PXDNL: variants seen among roughly 807,000 people sequenced by gnomAD.
PXDNL encodes peroxidasin like, also known as probable oxidoreductase PXDNL.
In PXDNL, 145 loss-of-function variants were observed where a neutral mutation model predicts 150.8. The observed-to-expected ratio is 0.96, with a 90% CI of 0.84 to 1.10. The LOEUF is 1.10. PXDNL is among the 50% of genes least tolerant of loss of function. PXDNL has a pLI of 0.00. For missense variants in PXDNL, 2,087 were observed against 1,873.9 expected, an observed-to-expected ratio of 1.11 and a Z score of -2.10; for synonymous variants, 757 against 725.7, an observed-to-expected ratio of 1.04 and a Z score of -0.69.
chr8:51,504,127 T>C (rs1811239471), intron 4 of PXDNL, among the ~76,000 whole-genome samples: 1 of 152,202 alleles, frequency 6.6e-6, no homozygotes, highest in Non-Finnish European at 1.5e-5. Flanking sequence ...ATCTCTTGAA[T>C]GTATTCCATT....
At chr8:51,347,070 G>A (rs547669500) in intron 19 of PXDNL, among the ~76,000 whole-genome samples, 7 of 152,176 alleles carry the variant, frequency 4.6e-5, no homozygotes, top group African/African-American at 1.7e-4. Flanking sequence ...TCTTAATATT[G>A]GTGGGAAAAT....
At chr8:51,504,602 A>G (rs1811248649) in intron 4 of PXDNL, among the ~76,000 whole-genome samples, 1 of 152,170 alleles carries the variant, frequency 6.6e-6, no homozygotes, top group South Asian at 2.1e-4. Context: ...TACTGTTGCA[A>G]TGTAATATTT....
chr8:51,724,499 A>G (rs1027264752), intron 1 of PXDNL, among the ~76,000 whole-genome samples: 5 of 152,306 alleles, frequency 3.3e-5, no homozygotes, highest in East Asian at 1.9e-4. Flanking sequence ...AGAAAAAAAA[A>G]GGAAAAATCA....
At chr8:51,770,131 A>T (rs954621289) in intron 1 of PXDNL, among the ~76,000 whole-genome samples, 8 of 152,206 alleles carry the variant, frequency 5.3e-5, no homozygotes, top group Non-Finnish European at 1.0e-4. Context: ...TCTATCCCAT[A>T]AATGTCCCTA....
At chr8:51,349,522 A>G (rs1342825358) in intron 19 of PXDNL, among the ~76,000 whole-genome samples, 2 of 152,208 alleles carry the variant, frequency 1.3e-5, no homozygotes, top group Non-Finnish European at 2.9e-5. Context: ...CTTACTCCTC[A>G]CATTCTCTGA....
intron 4 of PXDNL, among the ~76,000 whole-genome samples, chr8:51,538,005 C>T (rs1003632579): frequency 1.1e-4 from 16 of 152,190 alleles, no homozygotes; most frequent in African/African-American, 3.1e-4. Context: ...ACTATTTTCT[C>T]ATCAAATGTA....
chr8:51,654,516 T>A (rs1039965065), intron 2 of PXDNL, among the ~76,000 whole-genome samples, 173 bp downstream of exon 2: 8 of 144,666 alleles, frequency 5.5e-5, no homozygotes, highest in African/African-American at 1.7e-4. Flanking sequence ...TTCAAAAGGT[T>A]ATAAAAACAT....
intron 21 of PXDNL, among the ~76,000 whole-genome samples, chr8:51,334,491 CA>C (rs1472334063): frequency 6.6e-6 from 1 of 151,692 alleles, no homozygotes; most frequent in Non-Finnish European, 1.5e-5. Context: ...TAAACAAAAT[CA>C]AAACTAAAAA....
intron 5 of PXDNL, among the ~76,000 whole-genome samples, chr8:51,494,742 T>C (rs1811003366): frequency 6.6e-6 from 1 of 151,928 alleles, no homozygotes; most frequent in South Asian, 2.1e-4. Flanking sequence ...CTCCTAAATA[T>C]ATATGCACCC....
At chr8:51,681,072 G>C (rs1361010716) in intron 1 of PXDNL, among the ~76,000 whole-genome samples, 3 of 152,100 alleles carry the variant, frequency 2.0e-5, no homozygotes, top group Non-Finnish European at 4.4e-5. Flanking sequence ...GGGATCTTAA[G>C]ACTGTCGATT....
At chr8:51,579,043 G>A (rs1384800616) in intron 3 of PXDNL, among the ~76,000 whole-genome samples, 2 of 151,984 alleles carry the variant, frequency 1.3e-5, no homozygotes, top group East Asian at 3.9e-4. Flanking sequence ...TGGATGGATA[G>A]GCAGGAAAAG....
At chr8:51,445,273 T>A (rs1393421638) in intron 12 of PXDNL, among the ~76,000 whole-genome samples, 2 of 152,142 alleles carry the variant, frequency 1.3e-5, no homozygotes, top group African/African-American at 4.8e-5. Flanking sequence ...TTTCAATAGT[T>A]CTATAGTCTG....
chr8:51,537,127 T>C (rs1235281617), intron 4 of PXDNL, among the ~76,000 whole-genome samples: 1 of 152,030 alleles, frequency 6.6e-6, no homozygotes, highest in Non-Finnish European at 1.5e-5. Flanking sequence ...ACCTTTAAGG[T>C]AGAGATAATG....
At chr8:51,403,915 T>C (rs1174718712) in intron 17 of PXDNL, among the ~76,000 whole-genome samples, 1 of 152,210 alleles carries the variant, frequency 6.6e-6, no homozygotes, top group Admixed American at 6.5e-5. Context: ...GTCCGGAGTT[T>C]GTTCCTTCTG....
At chr8:51,378,926 G>A (rs1048197270) in intron 17 of PXDNL, among the ~76,000 whole-genome samples, 4 of 152,122 alleles carry the variant, frequency 2.6e-5, no homozygotes, top group African/African-American at 7.2e-5. Context: ...GAGGGTCTGC[G>A]ACTTCATTCT....
intron 1 of PXDNL, among the ~76,000 whole-genome samples, chr8:51,719,504 G>A (rs996981757): frequency 1.6e-4 from 25 of 152,070 alleles, no homozygotes; most frequent in Non-Finnish European, 3.1e-4. Context: ...CAAACACTGC[G>A]GAAGGCCGCA....
At chr8:51,445,492 A>G (rs1458749305) in intron 12 of PXDNL, among the ~76,000 whole-genome samples, 1 of 152,240 alleles carries the variant, frequency 6.6e-6, no homozygotes, top group Non-Finnish European at 1.5e-5. Flanking sequence ...TCTTCTACAT[A>G]TGTCAACTCC....
At chr8:51,745,276 T>C (rs1472167072) in intron 1 of PXDNL, among the ~76,000 whole-genome samples, 1 of 152,148 alleles carries the variant, frequency 6.6e-6, no homozygotes. Context: ...CAATGGTATG[T>C]CAAGATTAAG....
chr8:51,759,234 A>G (rs1355720912), intron 1 of PXDNL, among the ~76,000 whole-genome samples: 1 of 152,076 alleles, frequency 6.6e-6, no homozygotes, highest in African/African-American at 2.4e-5. Context: ...GCCCTCTTTC[A>G]GTCTCTGTCC....
Sources: allele counts gnomAD v4.1 joint callset (sites outside exome capture counted in the v4.1 genomes callset), GRCh38; gene constraint gnomAD v4.1.1; transcripts MANE v1.5; gene names NCBI Gene and HGNC (gene_info 2026-07-23, HGNC 2026-07-21).